SUSD4: variants seen among roughly 807,000 people sequenced by gnomAD.
SUSD4 encodes sushi domain-containing protein 4.
SUSD4 carries 41 observed loss-of-function variants against 50.5 expected under a neutral mutation model. That is an observed-to-expected ratio of 0.81 (90% confidence interval 0.63 to 1.05). The LOEUF (loss-of-function observed/expected upper bound fraction) is 1.05, where lower values mean the gene tolerates loss of function less well. SUSD4 is among the 50% of genes least tolerant of loss of function. SUSD4 has a pLI of 0.00. For synonymous variants in SUSD4, 257 were observed against 257.3 expected (o/e 1.00, Z 0.01); for missense variants, 580 against 634.7 (o/e 0.91, Z 0.93).
intron 3 of SUSD4, among the ~76,000 whole-genome samples, chr1:223,290,713 A>G (rs1664435643): frequency 6.6e-6 from 1 of 151,832 alleles, no homozygotes; most frequent in South Asian, 2.1e-4. Context: ...TGACACATGC[A>G]GACCAGTACA....
intron 2 of SUSD4, among the ~76,000 whole-genome samples, chr1:223,337,358 C>CATGA (rs535010021): frequency 3.0e-3 from 462 of 152,220 alleles, no homozygotes; most frequent in Non-Finnish European, 2.6e-3. Flanking sequence ...TAGTACAATG[C>CATGA]ATGAATGAAT....
At chr1:223,251,422 G>A (rs1661298113) in intron 5 of SUSD4, among the ~76,000 whole-genome samples, 1 of 152,158 alleles carries the variant, frequency 6.6e-6, no homozygotes, top group South Asian at 2.1e-4. Context: ...ATGGCACTAA[G>A]CCCTTCATGA....
At chr1:223,311,059 C>T (rs543586320) in intron 2 of SUSD4, among the ~76,000 whole-genome samples, 2 of 152,306 alleles carry the variant, frequency 1.3e-5, no homozygotes, top group Admixed American at 1.3e-4. Context: ...CTTTATAGCT[C>T]TCCTCCCCAA....
At chr1:223,304,629 C>T (rs1189805954) in intron 2 of SUSD4, among the ~76,000 whole-genome samples, 1 of 151,156 alleles carries the variant, frequency 6.6e-6, no homozygotes, top group African/African-American at 2.4e-5. Context: ...TCAATACACT[C>T]CACCTTGTCA....
chr1:223,280,650 A>T (rs1663645402), intron 3 of SUSD4, among the ~76,000 whole-genome samples: 1 of 152,090 alleles, frequency 6.6e-6, no homozygotes, highest in South Asian at 2.1e-4. Flanking sequence ...AGACTTTAAC[A>T]CCCCATTGTC....
Position 223,223,781 on chromosome 1 carries a change from T to C in SUSD4, c.1062-150A>G, listed in dbSNP as rs927704186. 1.0e-5 allele frequency: 10 copies of C among 997,294 alleles called. No individual in the cohort carries two copies. The Admixed American group carries it at 3.2e-4, about 31-fold the overall frequency. The allele number at this position is 997,294 out of a possible 1,614,324, so 61.8% of individuals were successfully genotyped here. On this transcript the variant is annotated intron_variant, in intron 7 of 8. Transcript: ENST00000366878. ...GATAATATGGAAGAACCAGCCTCCT[T>C]TCAGGGACTCCTCTGGAAGATGATG... is the stretch of plus-strand genomic sequence containing the variant.
chr1:223,349,293 A>G (rs1227868749), intron 2 of SUSD4, among the ~76,000 whole-genome samples: 1 of 152,212 alleles, frequency 6.6e-6, no homozygotes, highest in Non-Finnish European at 1.5e-5. Context: ...GTTACTATGG[A>G]TATTAACTCA....
rs985376218 is a variant in SUSD4, at chr1:223,292,489, T to C, written c.311A>G (p.Asn104Ser). 7 of 1,614,066 alleles carry C rather than the reference T, an allele frequency of 4.3e-6. No homozygotes were observed. Among genetic ancestry groups the C allele is most frequent in the Non-Finnish European group, 5.1e-6 (6 of 1,180,028 alleles). ...ACTTGGGATCCAGCCTAGGGTTCCA[T>C]TAAAATGCTTCAAACACAGTCTCTT... ...ATKRLCLKHF[N>S]GTLGWIPSDN... Residue 104 changes from asparagine (N) to serine (S), a missense_variant, in exon 3 of 9, where the codon AAT becomes AGT. Physicochemically the swap from Asn to Ser is conservative, Grantham distance 46. Coordinates refer to ENST00000366878, the MANE Select transcript of SUSD4 (RefSeq NM_017982.4).
At chr1:223,284,985 G>A (rs1241422231) in intron 3 of SUSD4, among the ~76,000 whole-genome samples, 2 of 152,110 alleles carry the variant, frequency 1.3e-5, no homozygotes, top group Admixed American at 6.5e-5. Flanking sequence ...ATATATTACA[G>A]AGTTTCAAAT....
chr1:223,272,575 T>C (rs1662992435), intron 3 of SUSD4, among the ~76,000 whole-genome samples: 1 of 152,208 alleles, frequency 6.6e-6, no homozygotes, highest in Non-Finnish European at 1.5e-5. Flanking sequence ...TACTGTTCTT[T>C]AAAAGTTAGT....
intron 2 of SUSD4, among the ~76,000 whole-genome samples, chr1:223,333,989 A>G (rs1013126386): frequency 6.6e-6 from 1 of 152,072 alleles, no homozygotes; most frequent in Non-Finnish European, 1.5e-5. Context: ...AGCCCAGTCA[A>G]TTTTCAGGAT....
At chr1:223,250,074 CAAACACTTAG>C (rs1053336131) in intron 5 of SUSD4, among the ~76,000 whole-genome samples, 21 of 152,342 alleles carry the variant, frequency 1.4e-4, no homozygotes, top group African/African-American at 5.1e-4. Flanking sequence ...CATCCTGGCT[CAAACACTTAG>C]TGGCCATGAC....
intron 5 of SUSD4, chr1:223,263,533 G>A (rs1166787564): frequency 1.0e-6 from 1 of 984,732 alleles, no homozygotes. Context: ...GGTGGGAAGT[G>A]GAGTGAGGGG....
intron 2 of SUSD4, among the ~76,000 whole-genome samples, chr1:223,317,032 T>A (rs1025107525): frequency 2.0e-5 from 3 of 152,124 alleles, no homozygotes; most frequent in Non-Finnish European, 4.4e-5. Flanking sequence ...AGCAACTCCA[T>A]CTTGACTAGG....
In SUSD4 at chr1:223,229,219, A is replaced by G. The variant is rs191790861; in HGVS notation, c.894T>C (p.Tyr298=). 1.0e-4 allele frequency: 161 copies of G among 1,607,168 alleles called. No individual in the cohort carries two copies. The East Asian group carries it at 3.5e-3, about 35-fold the overall frequency. ...TCQYGEWFPS[Y]QVYCIKSEQT... ...TACCTGATTTGATGCAGTAGACTTG[A>G]TAAGAAGGAAACCACTCTCCATACT... The change falls in exon 6 of 9, where the codon TAT becomes TAC. Residue 298 remains tyrosine, a synonymous_variant. Coordinates refer to ENST00000366878, the MANE Select transcript of SUSD4 (RefSeq NM_017982.4). The surrounding 1 kb of genome is among the most constrained non-coding windows in gnomAD (Gnocchi z 4.7).
chr1:223,339,821 C>G (rs552537297), intron 2 of SUSD4, among the ~76,000 whole-genome samples: 1 of 152,218 alleles, frequency 6.6e-6, no homozygotes, highest in Non-Finnish European at 1.5e-5. Flanking sequence ...GGCTGGGCCC[C>G]GGCTCCCCCA....
Position 223,222,151 on chromosome 1 carries a change from T to G in SUSD4, c.*41A>C. 2 of 1,605,758 alleles carry G rather than the reference T, an allele frequency of 1.2e-6. No homozygotes were observed. The highest frequency in any genetic ancestry group is 1.7e-6 in the Non-Finnish European group (2 of 1,176,354). On this transcript the variant is annotated 3_prime_UTR_variant, in exon 9 of 9. Coordinates refer to ENST00000366878, the MANE Select transcript of SUSD4 (RefSeq NM_017982.4). ...CCTCACTCCAAGATACAAGGTCCTT[T>G]CCCCGAAGGAGCAGGAGAGTCATCT...
At chr1:223,320,300 G>C (rs367669721) in intron 2 of SUSD4, among the ~76,000 whole-genome samples, 15 of 152,168 alleles carry the variant, frequency 9.9e-5, no homozygotes, top group Non-Finnish European at 1.9e-4. Context: ...TGTTCTGTTT[G>C]TAATGTGACG....
chr1:223,280,112 G>T (rs1174762143), intron 3 of SUSD4, among the ~76,000 whole-genome samples: 2 of 152,150 alleles, frequency 1.3e-5, no homozygotes, highest in African/African-American at 2.4e-5. Flanking sequence ...GGAACAACCG[G>T]TACCAGCCAC....
Sources: allele counts gnomAD v4.1 joint callset (sites outside exome capture counted in the v4.1 genomes callset), GRCh38; gene constraint gnomAD v4.1.1; non-coding constraint Gnocchi (gnomAD v3.1); transcripts MANE v1.5; gene names NCBI Gene and HGNC (gene_info 2026-07-23, HGNC 2026-07-21).